AGMO: variants seen among roughly 807,000 people sequenced by gnomAD.
AGMO encodes glyceryl-ether monooxygenase.
In AGMO, 75 loss-of-function variants were observed where a neutral mutation model predicts 60.2. The ratio of observed to expected loss-of-function variants is 1.25; its 90% CI spans 1.03 to 1.51. AGMO has a LOEUF of 1.51. AGMO is among the 40% of genes most tolerant of loss of function. The pLI, the probability that AGMO is intolerant of heterozygous loss-of-function variation, is 0.00. For missense variants in AGMO, 763 were observed against 525.5 expected (o/e 1.45, Z -4.42); for synonymous variants, 261 against 177.1 (o/e 1.47, Z -3.76).
the AGMO span, among the ~76,000 whole-genome samples, chr7:15,185,840 C>A: frequency 1.3e-5 from 2 of 152,244 alleles, no homozygotes; most frequent in South Asian, 2.1e-4. Context: ...TTAAATTGGC[C>A]TAGAATCAAA....
the AGMO span, among the ~76,000 whole-genome samples, chr7:15,165,616 C>T: frequency 6.6e-6 from 1 of 152,050 alleles, no homozygotes; most frequent in African/African-American, 2.4e-5. Context: ...AAATAACTTA[C>T]CCAGATGTAA....
chr7:15,361,627 AAG>A (rs201695068), intron 12 of AGMO, among the ~76,000 whole-genome samples: 3 of 151,862 alleles, frequency 2.0e-5, no homozygotes, highest in Non-Finnish European at 2.9e-5. Flanking sequence ...AAAAAAAAGA[AAG>A]AGAGAGAGAA....
chr7:15,360,295 ACC>A (rs2128558933), intron 12 of AGMO, among the ~76,000 whole-genome samples: 1 of 152,268 alleles, frequency 6.6e-6, no homozygotes, highest in African/African-American at 2.4e-5. Flanking sequence ...AGTACACTCG[ACC>A]CTTGAACAAC....
At chr7:15,299,844 C>T (rs1000460637) in intron 12 of AGMO, among the ~76,000 whole-genome samples, 2 of 126,480 alleles carry the variant, frequency 1.6e-5, no homozygotes, top group African/African-American at 3.6e-5. Context: ...CACACACACA[C>T]ACACACACAC....
chr7:15,230,015 T>C (rs1782211268), intron 12 of AGMO, among the ~76,000 whole-genome samples: 1 of 151,770 alleles, frequency 6.6e-6, no homozygotes, highest in African/African-American at 2.4e-5. Context: ...AATTATAATT[T>C]ATACAATTTA....
chr7:15,310,536 C>G (rs1780740371), intron 12 of AGMO, among the ~76,000 whole-genome samples: 1 of 152,034 alleles, frequency 6.6e-6, no homozygotes, highest in African/African-American at 2.4e-5. Flanking sequence ...TTTCCTATAT[C>G]ATGTTATTAT....
chr7:15,298,152 A>G (rs535827018), intron 12 of AGMO, among the ~76,000 whole-genome samples: 1 of 152,232 alleles, frequency 6.6e-6, no homozygotes, highest in South Asian at 2.1e-4. Flanking sequence ...CAGATAGACT[A>G]CTTGTGTATA....
chr7:15,425,296 T>A (rs1336535167), intron 4 of AGMO, among the ~76,000 whole-genome samples: 2 of 152,154 alleles, frequency 1.3e-5, no homozygotes, highest in Non-Finnish European at 2.9e-5. Flanking sequence ...TATAAATGAA[T>A]ATATTTTTAA....
At chr7:15,475,768 T>A (rs915236994) in intron 3 of AGMO, among the ~76,000 whole-genome samples, 8 of 152,070 alleles carry the variant, frequency 5.3e-5, no homozygotes, top group African/African-American at 1.9e-4. Flanking sequence ...TAGATTTTTT[T>A]AAAATGCAAC....
the AGMO span, among the ~76,000 whole-genome samples, chr7:15,140,839 T>C: frequency 5.9e-5 from 9 of 152,320 alleles, no homozygotes; most frequent in Admixed American, 5.2e-4. Flanking sequence ...TCATATTTTA[T>C]ATATGATAAT....
the AGMO span, among the ~76,000 whole-genome samples, chr7:15,184,695 G>GTAT: frequency 2.0e-5 from 1 of 50,148 alleles, no homozygotes; most frequent in African/African-American, 9.0e-5. Flanking sequence ...AGGAAGGAAG[G>GTAT]GAAAGGAGGA....
chr7:15,468,603 C>T (rs1047580832), intron 3 of AGMO, among the ~76,000 whole-genome samples: 15 of 151,856 alleles, frequency 9.9e-5, no homozygotes, highest in African/African-American at 3.4e-4. Context: ...TAAGAACGTG[C>T]CTTAGAGATA....
the AGMO span, among the ~76,000 whole-genome samples, chr7:15,191,639 CT>C: frequency 6.6e-6 from 1 of 152,164 alleles, no homozygotes; most frequent in South Asian, 2.1e-4. Context: ...ATTCTTGAAA[CT>C]GTTCAGTGAT....
rs1781262075 is a variant in AGMO, at chr7:15,432,179, G to C, written c.410-1071C>G. On this transcript the variant is annotated intron_variant, in intron 3 of 12. Transcript: ENST00000342526. ...TAAATCTTTTAGGCTTGGATGTATA[G>C]GAACTAAACAGTGAAGCTAGAACTG... is the stretch of plus-strand genomic sequence containing the variant. 3.3e-5 allele frequency among the ~76,000 whole-genome samples: 5 copies of C among 151,488 alleles called. No individual in the cohort carries two copies. The South Asian group carries it at 1.0e-3, about 31-fold the overall frequency.
chr7:15,538,867 T>A (rs1784544992), intron 3 of AGMO, among the ~76,000 whole-genome samples: 1 of 152,158 alleles, frequency 6.6e-6, no homozygotes, highest in Non-Finnish European at 1.5e-5. Context: ...TAAATATTTG[T>A]AACTACACAA....
At chr7:15,165,914 T>C in the AGMO span, among the ~76,000 whole-genome samples, 1 of 152,186 alleles carries the variant, frequency 6.6e-6, no homozygotes, top group African/African-American at 2.4e-5. Context: ...TCATACAAGA[T>C]AATTTTAAGT....
At chr7:15,357,256 T>C (rs1027460050) in intron 12 of AGMO, among the ~76,000 whole-genome samples, 5 of 151,198 alleles carry the variant, frequency 3.3e-5, no homozygotes, top group African/African-American at 1.2e-4. Flanking sequence ...AGTACGTATA[T>C]AGCAGACTAG....
Position 15,447,963 on chromosome 7 carries a change from G to T in AGMO, c.410-16855C>A, listed in dbSNP as rs77923398. Among the ~76,000 whole-genome samples, 144 of 152,234 alleles carry T rather than the reference G, an allele frequency of 9.5e-4. 1 individual carries two copies. In the East Asian group the frequency reaches 0.023, roughly 25 times the overall value. On this transcript the variant is annotated intron_variant, in intron 3 of 12. Transcript: ENST00000342526. ...AGAATGGGGGGTTTTGTTTCTTATA[G>T]ATTATTTGAATTCTGATTGATATAA...
the AGMO span, among the ~76,000 whole-genome samples, chr7:15,131,853 G>A: frequency 2.2e-4 from 33 of 151,832 alleles, no homozygotes; most frequent in African/African-American, 8.0e-4. Flanking sequence ...GGTAGAGCAA[G>A]CTGCCATGAG....
Sources: allele counts gnomAD v4.1 joint callset (sites outside exome capture counted in the v4.1 genomes callset), GRCh38; gene constraint gnomAD v4.1.1; transcripts MANE v1.5; gene names NCBI Gene and HGNC (gene_info 2026-07-23, HGNC 2026-07-21).